LRIG1: variants seen among roughly 807,000 people sequenced by gnomAD.
LRIG1 encodes leucine-rich repeats and immunoglobulin-like domains protein 1.
In LRIG1, 48 loss-of-function variants were observed where a neutral mutation model predicts 99.2. That is an observed-to-expected ratio of 0.48 (90% CI 0.38 to 0.62). The LOEUF (loss-of-function observed/expected upper bound fraction) is 0.62, where lower values mean the gene tolerates loss of function less well. LRIG1 is among the 20% of genes least tolerant of loss of function. The pLI is 0.00. For synonymous variants in LRIG1, 772 were observed against 596.1 expected, an observed-to-expected ratio of 1.29 and a Z score of -4.30; for missense variants, 1,646 against 1,434.4, an observed-to-expected ratio of 1.15 and a Z score of -2.38.
Position 66,410,258 on chromosome 3 carries a change from T to C in LRIG1, c.806A>G (p.Asn269Ser). ...GCCGCTGTTCACTTCTACCAGGCTG[T>C]TGTACTCCAGGTGCCTGCAATGACA... is the stretch of plus-strand genomic sequence containing the variant. ...SKMHVLHLEY[N>S]SLVEVNSGSL... Residue 269 changes from asparagine to serine, a missense_variant, in exon 7 of 19, where the codon AAC becomes AGC. Coordinates refer to ENST00000273261, the MANE Select transcript of LRIG1 (RefSeq NM_015541.3). 5 of 1,609,460 alleles carry C rather than the reference T, an allele frequency of 3.1e-6. No homozygotes were observed. The highest frequency in any genetic ancestry group is 4.2e-6 in the Non-Finnish European group (5 of 1,177,790).
intron 1 of LRIG1, among the ~76,000 whole-genome samples, chr3:66,487,457 G>A (rs1029564465): frequency 1.3e-5 from 2 of 152,174 alleles, no homozygotes; most frequent in Admixed American, 6.5e-5. Flanking sequence ...TGGGGGATCC[G>A]TTCTGCCCTG....
chr3:66,490,422 T>A lies in LRIG1; in HGVS notation c.218+9768A>T, dbSNP rs115668568. On this transcript the variant is annotated intron_variant, in intron 1 of 18. Coordinates refer to ENST00000273261, the MANE Select transcript of LRIG1 (RefSeq NM_015541.3). ...GTTTTGCAAGCACTGGGAGCTTGTG[T>A]GCCAGAAACTCACACCAGCCCAGGT... 4.4e-3 allele frequency among the ~76,000 whole-genome samples: 677 copies of A among 152,284 alleles called. 5 individuals carry two copies. The highest frequency in any genetic ancestry group is 0.016 in the African/African-American group (654 of 41,536).
At chr3:66,415,970 T>C (rs1255692823) in intron 4 of LRIG1, among the ~76,000 whole-genome samples, 1 of 152,192 alleles carries the variant, frequency 6.6e-6, no homozygotes, top group Non-Finnish European at 1.5e-5. Flanking sequence ...TTTTTGTCTC[T>C]CCAGCAGATA....
chr3:66,388,422 GAAGA>G (rs1408041390), intron 12 of LRIG1, among the ~76,000 whole-genome samples: 3 of 152,058 alleles, frequency 2.0e-5, no homozygotes, highest in South Asian at 2.1e-4. Context: ...CCAAGAAGGA[GAAGA>G]AAGAAAAAGG....
rs748614678 is a variant in LRIG1 at position 66,405,765 on chromosome 3, C to G, written c.1080-487G>C. 6.0e-6 allele frequency: 7 copies of G among 1,174,170 alleles called. No homozygotes were observed. In the African/African-American group the frequency reaches 1.1e-4, roughly 19 times the overall value. 72.7% of individuals were successfully genotyped at this position (1,174,170 alleles called of 1,614,324 possible). The stretch of plus-strand genomic sequence containing the variant: ...GGCGCCTCCGTACCAGCCAGTGGGT[C>G]TGGAGCCCGGAGCCCATCTCCTCCC... On this transcript the variant is annotated intron_variant, in intron 8 of 18. Transcript: ENST00000273261.
chr3:66,387,023 G>C (rs969881039), intron 12 of LRIG1: 3 of 149,646 alleles, frequency 2.0e-5, no homozygotes, highest in African/African-American at 7.4e-5. Context: ...GGCCTATCTG[G>C]CAGCAACACG....
chr3:66,476,241 G>A (rs1700720446), intron 1 of LRIG1, among the ~76,000 whole-genome samples: 1 of 152,116 alleles, frequency 6.6e-6, no homozygotes, highest in African/African-American at 2.4e-5. Context: ...ACCTAGGCAT[G>A]TCTAAGTGTG....
In LRIG1 at chr3:66,457,116, T is replaced by C. The variant is rs564197416; in HGVS notation, c.290+5322A>G. ...AAACCACTGCTAAACCACTGCCTGC[T>C]GTTCTGCCAGCCTGTGGCTCCATTC... On this transcript the variant is annotated intron_variant, in intron 2 of 18. Transcript: ENST00000273261. Among the ~76,000 whole-genome samples, 4 of 152,276 alleles carry C rather than the reference T, an allele frequency of 2.6e-5. No individual in the cohort carries two copies. In the East Asian group the frequency reaches 7.7e-4, roughly 29 times the overall value.
chr3:66,454,558 C>G (rs1253296071), intron 2 of LRIG1, among the ~76,000 whole-genome samples: 1 of 152,170 alleles, frequency 6.6e-6, no homozygotes, highest in Non-Finnish European at 1.5e-5. Flanking sequence ...TACTTCCATC[C>G]AAGGCCCTAA....
chr3:66,431,834 G>C (rs1400400935), intron 3 of LRIG1, among the ~76,000 whole-genome samples: 1 of 152,148 alleles, frequency 6.6e-6, no homozygotes, highest in African/African-American at 2.4e-5. Flanking sequence ...CACACCTGGA[G>C]ACTGTCCATG....
intron 3 of LRIG1, among the ~76,000 whole-genome samples, chr3:66,438,446 G>C (rs1703433888): frequency 6.6e-6 from 1 of 152,168 alleles, no homozygotes; most frequent in Non-Finnish European, 1.5e-5. Flanking sequence ...GGTTGATACT[G>C]AACCAGCCCC....
chr3:66,392,200 T>A (rs144876740), intron 12 of LRIG1, among the ~76,000 whole-genome samples: 1 of 152,378 alleles, frequency 6.6e-6, no homozygotes, highest in African/African-American at 2.4e-5. Context: ...AGTCATCCAC[T>A]GATACCTGGG....
At chr3:66,495,713 CCTAT>C (rs1701211380) in intron 1 of LRIG1, among the ~76,000 whole-genome samples, 2 of 152,226 alleles carry the variant, frequency 1.3e-5, no homozygotes, top group South Asian at 4.1e-4. Context: ...ACCCAGCCTT[CCTAT>C]CTAACAGACC....
chr3:66,379,001 CT>C lies in LRIG1; in HGVS notation c.*1261del, dbSNP rs879465085. The C allele has an allele frequency of 2.6e-5, 4 of 152,654 alleles. No individual in the cohort carries two copies. Among genetic ancestry groups the C allele is most frequent in the African/African-American group, 9.6e-5 (4 of 41,460 alleles). 9.5% of individuals were successfully genotyped at this position (152,654 alleles called of 1,614,324 possible). Reference sequence around the variant, plus strand: ...TGTGGAAGTAAGATTAGTCAGTTAACTGTCAAGAACAAAATTCTAAATGTGC... The same window carrying C: ...TGTGGAAGTAAGATTAGTCAGTTAACGTCAAGAACAAAATTCTAAATGTGC... On this transcript the variant is annotated 3_prime_UTR_variant, in exon 19 of 19. Transcript: ENST00000273261.
At chr3:66,445,242 C>T (rs1360594778) in intron 3 of LRIG1, among the ~76,000 whole-genome samples, 2 of 151,470 alleles carry the variant, frequency 1.3e-5, no homozygotes, top group East Asian at 1.9e-4. Context: ...TTTACACTGA[C>T]GGTTTACTTT....
intron 1 of LRIG1, among the ~76,000 whole-genome samples, chr3:66,488,555 T>C (rs1006352687): frequency 4.6e-5 from 7 of 151,966 alleles, no homozygotes; most frequent in East Asian, 1.9e-4. Flanking sequence ...GAGAATCACT[T>C]GAGCCAGGAA....
intron 1 of LRIG1, among the ~76,000 whole-genome samples, chr3:66,486,295 T>C (rs1021191066): frequency 7.2e-5 from 11 of 152,194 alleles, no homozygotes; most frequent in African/African-American, 2.4e-4. Context: ...ATCCCCATTT[T>C]ACAGAAAAGG....
intron 1 of LRIG1, among the ~76,000 whole-genome samples, 180 bp from the exon 2 acceptor site, chr3:66,462,689 C>T (rs1700382328): frequency 6.6e-6 from 1 of 151,926 alleles, no homozygotes. Flanking sequence ...CCACCTACAT[C>T]CATAAATAAG....
chr3:66,480,809 C>T (rs1271360163), intron 1 of LRIG1, among the ~76,000 whole-genome samples: 1 of 152,196 alleles, frequency 6.6e-6, no homozygotes, highest in African/African-American at 2.4e-5. Context: ...CTGTGGAAAG[C>T]AGGGCTCCCA....
Sources: gnomAD v4.1 joint callset for allele counts (sites outside exome capture counted in the v4.1 genomes callset) on GRCh38, gnomAD v4.1.1 for gene constraint, MANE v1.5 for transcripts, NCBI Gene and HGNC (gene_info 2026-07-23, HGNC 2026-07-21) for gene names.